The following SMAP1 variants were observed in gnomAD, a reference collection of about 807,000 sequenced individuals.
SMAP1 encodes the protein stromal membrane-associated protein 1.
A neutral mutation model predicts 58.5 loss-of-function variants in SMAP1; 24 were observed. The ratio of observed to expected loss-of-function variants is 0.41; its 90% CI spans 0.30 to 0.58. SMAP1 has a LOEUF of 0.58. Ranked by LOEUF, SMAP1 falls within the 20% of genes least tolerant of loss-of-function variation. The pLI is 0.29. For synonymous variants in SMAP1, 216 were observed against 196.6 expected (o/e 1.10, Z -0.82); for missense variants, 563 against 566.3 (o/e 0.99, Z 0.06).
chr6:70,826,687 T>A (rs2149987613), intron 6 of SMAP1, among the ~76,000 whole-genome samples: 1 of 151,828 alleles, frequency 6.6e-6, no homozygotes, highest in African/African-American at 2.4e-5. Flanking sequence ...GCCTGGGAGG[T>A]CAAGGCTTCA....
intron 4 of SMAP1, among the ~76,000 whole-genome samples, chr6:70,783,855 G>T (rs1767878752): frequency 6.6e-6 from 1 of 152,186 alleles, no homozygotes. Flanking sequence ...CGGGGAGAAT[G>T]GAACCAAGTT....
intron 6 of SMAP1, among the ~76,000 whole-genome samples, chr6:70,824,659 G>A (rs1231645303): frequency 6.6e-6 from 1 of 152,024 alleles, no homozygotes; most frequent in African/African-American, 2.4e-5. Context: ...CATATTCTTA[G>A]CTTCCACATG....
intron 10 of SMAP1, 104 bp downstream of exon 10, chr6:70,858,333 A>C (rs908340130): frequency 1.9e-6 from 2 of 1,052,522 alleles, no homozygotes; most frequent in Non-Finnish European, 2.6e-6. Flanking sequence ...GTGATCTGGC[A>C]GAAAGAATTC....
chr6:70,696,087 T>C (rs1767390957), intron 1 of SMAP1, among the ~76,000 whole-genome samples: 1 of 152,208 alleles, frequency 6.6e-6, no homozygotes, highest in Non-Finnish European at 1.5e-5. Context: ...TAGCCTCTAA[T>C]GATGGTTTGA....
intron 4 of SMAP1, among the ~76,000 whole-genome samples, chr6:70,783,408 A>G (rs1767850416): frequency 6.6e-6 from 1 of 152,220 alleles, no homozygotes; most frequent in African/African-American, 2.4e-5. Context: ...TCATCCTCCA[A>G]AGGAACGCAG....
At chr6:70,769,264 A>G (rs936534840) in intron 3 of SMAP1, among the ~76,000 whole-genome samples, 5 of 152,094 alleles carry the variant, frequency 3.3e-5, no homozygotes, top group Non-Finnish European at 7.4e-5. Flanking sequence ...ATGTCTATTA[A>G]GTCCGCTTGG....
At chr6:70,798,583 A>G (rs1768707530) in intron 5 of SMAP1, 74 bp from the exon 6 acceptor site, 20 of 1,142,548 alleles carry the variant, frequency 1.8e-5, no homozygotes, top group Non-Finnish European at 2.5e-5. Context: ...TGATTACTCA[A>G]ACTAATAAGG....
chr6:70,831,303 G>T (rs748449081), intron 6 of SMAP1, among the ~76,000 whole-genome samples: 1 of 152,038 alleles, frequency 6.6e-6, no homozygotes, highest in Non-Finnish European at 1.5e-5. Context: ...GGGTACATGT[G>T]CAGGTTTTAG....
At chr6:70,766,332 C>T (rs1766984627) in intron 3 of SMAP1, among the ~76,000 whole-genome samples, 1 of 152,212 alleles carries the variant, frequency 6.6e-6, no homozygotes, top group African/African-American at 2.4e-5. Context: ...CTGACTTCCA[C>T]AATGGTTGAA....
intron 1 of SMAP1, among the ~76,000 whole-genome samples, chr6:70,673,000 T>C (rs915303147): frequency 2.6e-5 from 4 of 151,990 alleles, no homozygotes; most frequent in African/African-American, 4.8e-5. Context: ...TAGTGAGGAT[T>C]GCAGGCAAAT....
At chr6:70,818,489 G>T (rs1294116200) in intron 6 of SMAP1, among the ~76,000 whole-genome samples, 3 of 152,176 alleles carry the variant, frequency 2.0e-5, no homozygotes, top group African/African-American at 7.2e-5. Context: ...ATAGAATAAA[G>T]AAGGTTATAA....
At chr6:70,755,558 G>A (rs1408681258) in intron 3 of SMAP1, among the ~76,000 whole-genome samples, 1 of 151,966 alleles carries the variant, frequency 6.6e-6, no homozygotes, top group Non-Finnish European at 1.5e-5. Context: ...GCTAGGCTAG[G>A]CTATGTTTGG....
chr6:70,822,999 C>T (rs911262214), intron 6 of SMAP1, among the ~76,000 whole-genome samples: 4 of 152,122 alleles, frequency 2.6e-5, no homozygotes, highest in Admixed American at 6.6e-5. Flanking sequence ...TTAGAATTTT[C>T]ATCTCTCTTT....
chr6:70,701,683 C>T (rs1260262928), intron 1 of SMAP1, among the ~76,000 whole-genome samples: 1 of 152,164 alleles, frequency 6.6e-6, no homozygotes, highest in East Asian at 1.9e-4. Flanking sequence ...ACTGCGTTCT[C>T]CCTTCCCCAA....
At chr6:70,771,465 C>G (rs527706017) in intron 3 of SMAP1, among the ~76,000 whole-genome samples, 3 of 152,354 alleles carry the variant, frequency 2.0e-5, no homozygotes, top group East Asian at 1.9e-4. Flanking sequence ...GCGGGCGCCC[C>G]TCCCCTAGCC....
At position 70,676,187 on chromosome 6, in the gene SMAP1, T is replaced by C. The variant is rs945209402; in HGVS notation, c.118+8046T>C. Among the ~76,000 whole-genome samples, 5 of 152,258 alleles carry C rather than the reference T, an allele frequency of 3.3e-5. No homozygotes were observed. The East Asian group carries it at 9.6e-4, about 29-fold the overall frequency. ...CTGATTGTGCTTAGTATCTTTTTGC[T>C]ATAATAAATCATAACGATGAGTACA... On this transcript the variant is annotated intron_variant, in intron 1 of 10. Transcript: ENST00000370455.
chr6:70,732,562 A>C, intron 2 of SMAP1, 51 bp downstream of exon 2: 6 of 1,417,608 alleles, frequency 4.2e-6, no homozygotes, highest in Non-Finnish European at 5.6e-6. Flanking sequence ...AATGATTTAA[A>C]AATATTTAAC....
At chr6:70,670,758 G>C (rs1374713044) in intron 1 of SMAP1, among the ~76,000 whole-genome samples, 1 of 152,158 alleles carries the variant, frequency 6.6e-6, no homozygotes, top group Non-Finnish European at 1.5e-5. Context: ...TGATCTTTGA[G>C]AATATGTACC....
chr6:70,743,223 G>C (rs1304985419), intron 2 of SMAP1, among the ~76,000 whole-genome samples: 1 of 152,112 alleles, frequency 6.6e-6, no homozygotes, highest in Non-Finnish European at 1.5e-5. Context: ...GTAGTGGTTT[G>C]TTTCTGGCAG....
Sources: gnomAD v4.1 joint callset for allele counts (sites outside exome capture counted in the v4.1 genomes callset) on GRCh38, gnomAD v4.1.1 for gene constraint, MANE v1.5 for transcripts, NCBI Gene and HGNC (gene_info 2026-07-23, HGNC 2026-07-21) for gene names.